Variants in CNTNAP2 observed in about 807,000 individuals in gnomAD.
CNTNAP2 encodes the protein contactin-associated protein-like 2.
Under a neutral mutation model 155.2 loss-of-function variants are expected in CNTNAP2, and 98 were observed. The ratio of observed to expected loss-of-function variants is 0.63; its 90% CI spans 0.54 to 0.75. The LOEUF (loss-of-function observed/expected upper bound fraction) is 0.75, where lower values mean the gene tolerates loss of function less well. Ranked by LOEUF, CNTNAP2 falls within the 30% of genes least tolerant of loss-of-function variation. The pLI, the probability that CNTNAP2 is intolerant of heterozygous loss-of-function variation, is 0.00. For synonymous variants in CNTNAP2, 651 were observed against 631.2 expected (o/e 1.03, Z -0.47); for missense variants, 1,727 against 1,688.1 (o/e 1.02, Z -0.40).
chr7:146,197,487 G>A lies in CNTNAP2; in HGVS notation c.97+80514G>A, dbSNP rs181036826. 6.3e-4 allele frequency among the ~76,000 whole-genome samples: 96 copies of A among 152,246 alleles called. No homozygotes were observed. The Middle Eastern group carries it at 0.01, about 16-fold the overall frequency. On this transcript the variant is annotated intron_variant, in intron 1 of 23. Transcript: ENST00000361727. ...TTAAATTCAAGAAATTAGACCAGCAGCTATACCTTTAAAAGTACCTGTAGA... is the reference window on the plus strand; with the variant it reads ...TTAAATTCAAGAAATTAGACCAGCAACTATACCTTTAAAAGTACCTGTAGA...
intron 10 of CNTNAP2, among the ~76,000 whole-genome samples, chr7:147,431,549 C>T (rs554486761): frequency 2.4e-4 from 37 of 152,292 alleles, no homozygotes; most frequent in African/African-American, 8.7e-4. Context: ...TCTAGCTCCA[C>T]ACTGCCACTT....
intron 1 of CNTNAP2, among the ~76,000 whole-genome samples, chr7:146,665,135 G>A (rs945430332): frequency 1.3e-5 from 2 of 152,022 alleles, no homozygotes; most frequent in Admixed American, 6.5e-5. Flanking sequence ...TTTTAGTAGC[G>A]ACGGGGTTTC....
Position 147,395,733 on chromosome 7 carries a change from G to T in CNTNAP2, c.1623G>T (p.Pro541=). Residue 541 remains proline, a synonymous_variant, in exon 10 of 24, where the codon CCG becomes CCT. Transcript: ENST00000361727. ...VNLYEVAQRK[P]GSFANVSIDM... is the part of the protein sequence containing the mutation. ...TATACGAAGTGGCACAAAGGAAGCC[G>T]GGAAGTTTCGCGAATGTCAGCATTG... 1 of 1,612,438 alleles carries T rather than the reference G, an allele frequency of 6.2e-7. No homozygotes were observed. The highest frequency in any genetic ancestry group is 8.5e-7 in the Non-Finnish European group (1 of 1,178,836).
intron 15 of CNTNAP2, among the ~76,000 whole-genome samples, chr7:148,034,700 T>G (rs974981323): frequency 1.3e-5 from 2 of 152,172 alleles, no homozygotes; most frequent in African/African-American, 4.8e-5. Context: ...TGGAACTGTA[T>G]AATGGGTAGA....
At chr7:148,108,756 A>G (rs1416640152) in intron 15 of CNTNAP2, among the ~76,000 whole-genome samples, 3 of 152,168 alleles carry the variant, frequency 2.0e-5, no homozygotes, top group Non-Finnish European at 4.4e-5. Context: ...TGGTTGGTTA[A>G]GTTGTATTGC....
At chr7:147,212,306 G>A (rs923276355) in intron 8 of CNTNAP2, among the ~76,000 whole-genome samples, 1 of 152,044 alleles carries the variant, frequency 6.6e-6, no homozygotes, top group African/African-American at 2.4e-5. Context: ...GTTCAGCATA[G>A]CATTGTTCAA....
intron 8 of CNTNAP2, among the ~76,000 whole-genome samples, chr7:147,262,029 G>A (rs886515207): frequency 1.6e-4 from 24 of 152,134 alleles, no homozygotes; most frequent in African/African-American, 5.3e-4. Context: ...GGTGCTTACC[G>A]TGAGCCAGGC....
intron 17 of CNTNAP2, among the ~76,000 whole-genome samples, chr7:148,159,631 C>T (rs1230774735): frequency 6.6e-6 from 1 of 152,172 alleles, no homozygotes; most frequent in Non-Finnish European, 1.5e-5. Flanking sequence ...TTCTCTGCCA[C>T]CTGTGTGAGG....
At chr7:146,324,235 C>A (rs1005879394) in intron 1 of CNTNAP2, among the ~76,000 whole-genome samples, 5 of 152,022 alleles carry the variant, frequency 3.3e-5, no homozygotes, top group Non-Finnish European at 7.4e-5. Flanking sequence ...ACACTTCAGC[C>A]TGGATGACAG....
chr7:146,699,544 T>G (rs1409723624), intron 1 of CNTNAP2, among the ~76,000 whole-genome samples: 1 of 152,144 alleles, frequency 6.6e-6, no homozygotes, highest in Non-Finnish European at 1.5e-5. Flanking sequence ...TCCACTTATG[T>G]GATACAAGAA....
intron 4 of CNTNAP2, among the ~76,000 whole-genome samples, chr7:147,098,650 T>C (rs964639241): frequency 4.6e-5 from 7 of 152,172 alleles, no homozygotes; most frequent in African/African-American, 1.7e-4. Context: ...CAAAACTGAT[T>C]TTTCACTTCT....
intron 1 of CNTNAP2, among the ~76,000 whole-genome samples, chr7:146,429,822 A>C (rs1796147033): frequency 6.6e-6 from 1 of 152,158 alleles, no homozygotes. Context: ...AAATGCTTCC[A>C]GCTTTTGCCC....
chr7:146,973,755 C>T (rs956810723), intron 3 of CNTNAP2, among the ~76,000 whole-genome samples: 2 of 152,146 alleles, frequency 1.3e-5, no homozygotes, highest in Admixed American at 6.6e-5. Flanking sequence ...TAGTAAATTT[C>T]CTGGTATCCC....
rs576213995 is a variant in CNTNAP2, at chr7:147,175,555, A to G, written c.1348+43046A>G. On this transcript the variant is annotated intron_variant, in intron 8 of 23. Coordinates refer to ENST00000361727, the MANE Select transcript of CNTNAP2 (RefSeq NM_014141.6). ...GCCCTTCCCTCCCAGTGAAACCACT[A>G]TGAGGTGAAAAATAGTGTTGAAGAA... 7.2e-5 allele frequency among the ~76,000 whole-genome samples: 11 copies of G among 152,286 alleles called. No homozygotes were observed. In the South Asian group the frequency reaches 1.7e-3, roughly 23 times the overall value.
chr7:148,364,137 C>T (rs1798683853), intron 21 of CNTNAP2, among the ~76,000 whole-genome samples: 1 of 152,230 alleles, frequency 6.6e-6, no homozygotes, highest in African/African-American at 2.4e-5. Flanking sequence ...CCGACGAGCG[C>T]CACCCCCTGC....
chr7:147,561,753 GCCT>G (rs1298015867), intron 11 of CNTNAP2, among the ~76,000 whole-genome samples: 1 of 152,098 alleles, frequency 6.6e-6, no homozygotes, highest in Non-Finnish European at 1.5e-5. Context: ...ATTTTTCCTG[GCCT>G]CTTAGTTCAT....
intron 1 of CNTNAP2, among the ~76,000 whole-genome samples, chr7:146,431,769 A>G (rs1724505): frequency 0.027 from 4,096 of 152,182 alleles, 194 homozygotes; most frequent in African/African-American, 0.093. Flanking sequence ...CTAGTTAAAC[A>G]GGGAGCCAGA....
rs553035616 is a variant in CNTNAP2, at chr7:146,533,107, C to CAAAAA, written c.98-241140_98-241136dup. ...ACTGAGGGAGAGGGAGACCCTGTCT[C>CAAAAA]AAAAAAAAAAAAAAAAAAAAAAAAA... On this transcript the variant is annotated intron_variant, in intron 1 of 23. Transcript: ENST00000361727. Among the ~76,000 whole-genome samples, 80 of 47,850 alleles carry CAAAAA rather than the reference C, an allele frequency of 1.7e-3. 3 individuals are homozygous for CAAAAA. The highest frequency in any genetic ancestry group is 4.8e-3 in the African/African-American group (71 of 14,696). 31.4% of individuals were successfully genotyped at this position (47,850 alleles called of 152,430 possible).
At chr7:147,750,676 C>T (rs1044478607) in intron 13 of CNTNAP2, among the ~76,000 whole-genome samples, 1 of 152,106 alleles carries the variant, frequency 6.6e-6, no homozygotes, top group African/African-American at 2.4e-5. Flanking sequence ...TGTTCAAGTG[C>T]CTGCTATCAG....
Sources: allele counts gnomAD v4.1 joint callset (sites outside exome capture counted in the v4.1 genomes callset), GRCh38; gene constraint gnomAD v4.1.1; transcripts MANE v1.5; gene names NCBI Gene and HGNC (gene_info 2026-07-23, HGNC 2026-07-21).